The following PKHD1 variants were observed in gnomAD, a reference collection of about 807,000 sequenced individuals.
PKHD1 encodes fibrocystin.
In PKHD1, 291 loss-of-function variants were observed where a neutral mutation model predicts 412.0. That is an observed-to-expected ratio of 0.71 (90% CI 0.64 to 0.78). The LOEUF (loss-of-function observed/expected upper bound fraction) is 0.78, where lower values mean the gene tolerates loss of function less well. PKHD1 is among the 30% of genes least tolerant of loss of function. The pLI is 0.00. For missense variants in PKHD1, 4,825 were observed against 4,950.7 expected, an observed-to-expected ratio of 0.97 and a Z score of 0.76; for synonymous variants, 1,777 against 1,821.5, an observed-to-expected ratio of 0.98 and a Z score of 0.62.
At chr6:51,909,054 C>T (rs1782565519) in intron 40 of PKHD1, among the ~76,000 whole-genome samples, 1 of 152,226 alleles carries the variant, frequency 6.6e-6, no homozygotes, top group Admixed American at 6.5e-5. Flanking sequence ...CTAAGCCTAC[C>T]TTAGACCAGA....
In PKHD1 at chr6:51,950,220, AAT is replaced by A. The variant is rs1333126139; in HGVS notation, c.5908+9648_5908+9649del. On this transcript the variant is annotated intron_variant, in intron 36 of 66. Coordinates refer to ENST00000371117, the MANE Select transcript of PKHD1 (RefSeq NM_138694.4). ...AATGGGCAATATAGAGAAAAAAAAA[AAT>A]ATATATATATATATATATGAAATAA... Among the ~76,000 whole-genome samples, 183 of 98,296 alleles carry A rather than the reference AAT, an allele frequency of 1.9e-3. 1 individual carries two copies. The Middle Eastern group carries it at 0.019, about 10-fold the overall frequency. 64.5% of individuals were successfully genotyped at this position (98,296 alleles called of 152,430 possible). A position where few individuals can be genotyped will look rare whatever the true frequency, so the allele number is the denominator to read the frequency against.
At chr6:51,827,530 G>A in intron 52 of PKHD1, among the ~76,000 whole-genome samples, 1 of 152,050 alleles carries the variant, frequency 6.6e-6, no homozygotes, top group East Asian at 1.9e-4. Flanking sequence ...CCTATATCCT[G>A]AAGGATCCCC....
Position 52,044,983 on chromosome 6 carries a change from C to T in PKHD1, c.2698G>A (p.Ala900Thr). The T allele has an allele frequency of 6.2e-7, 1 of 1,613,596 alleles. No individual in the cohort carries two copies. Among genetic ancestry groups the T allele is most frequent in the Middle Eastern group, 1.7e-4 (1 of 6,058 alleles). The change falls in exon 25 of 67, where the codon GCC becomes ACC. Residue 900 changes from alanine (A) to threonine (T), a missense_variant. By Grantham distance (58) the Ala-to-Thr change is moderately conservative. Coordinates refer to ENST00000371117, the MANE Select transcript of PKHD1 (RefSeq NM_138694.4). The stretch of plus-strand genomic sequence containing the variant: ...ACTCTCACCTGAGTATGCTGGTTGG[C>T]AGTAGCCAACATGTCTCCAAATATG... Reference protein sequence around the residue: ...GPIFGDMLATANQHTQVVVRV... With the variant: ...GPIFGDMLATTNQHTQVVVRV...
In PKHD1 at chr6:52,026,059, T is replaced by C; in HGVS notation, c.3751A>G (p.Thr1251Ala). The C allele has an allele frequency of 6.2e-7, 1 of 1,613,504 alleles. No homozygotes were observed. The highest frequency in any genetic ancestry group is 8.5e-7 in the Non-Finnish European group (1 of 1,179,900). ...TCGGGTATCTGGGGGGCTGGCAGGG[T>C]TTCACACCAGATGCTCGCCTCCGTT... ...NLTEASIWCETLPAPQIPDAG... is the reference protein window; with the variant it reads ...NLTEASIWCEALPAPQIPDAG... The change falls in exon 32 of 67, where the codon ACC (threonine) becomes GCC (alanine). Residue 1251 changes from threonine to alanine, a missense_variant. Thr to Ala is a moderately conservative substitution (Grantham distance 58). Coordinates refer to ENST00000371117, the MANE Select transcript of PKHD1 (RefSeq NM_138694.4).
intron 65 of PKHD1, among the ~76,000 whole-genome samples, chr6:51,632,108 T>A (rs1581752590): frequency 1.3e-5 from 2 of 152,024 alleles, no homozygotes; most frequent in East Asian, 3.9e-4. Context: ...CATGCCCAGA[T>A]AATTTTTGTA....
intron 28 of PKHD1, 137 bp downstream of exon 28, chr6:52,035,454 A>G: frequency 3.4e-6 from 3 of 890,278 alleles, no homozygotes; most frequent in Non-Finnish European, 3.8e-6. Context: ...AACAGACAAT[A>G]TAACTACTAC....
chr6:51,965,081 A>T (rs777788543), intron 35 of PKHD1, among the ~76,000 whole-genome samples: 86 of 152,164 alleles, frequency 5.7e-4, no homozygotes, highest in Non-Finnish European at 8.8e-5. Flanking sequence ...ATGTTCAATG[A>T]CATTAAACCT....
intron 34 of PKHD1, among the ~76,000 whole-genome samples, chr6:52,016,417 C>T (rs1284306946): frequency 2.0e-5 from 3 of 152,044 alleles, no homozygotes; most frequent in East Asian, 1.9e-4. Context: ...GGGTGGATTG[C>T]TTGAGCTCAG....
intron 61 of PKHD1, among the ~76,000 whole-genome samples, chr6:51,658,307 G>C (rs1322058143): frequency 1.3e-5 from 2 of 152,066 alleles, no homozygotes; most frequent in Admixed American, 6.6e-5. Context: ...ACAGGAAAGA[G>C]GAACATCCAT....
intron 33 of PKHD1, among the ~76,000 whole-genome samples, chr6:52,020,350 G>A (rs1801217098): frequency 6.6e-6 from 1 of 152,154 alleles, no homozygotes; most frequent in African/African-American, 2.4e-5. Flanking sequence ...AAACAAACAT[G>A]GGATCAGACG....
intron 35 of PKHD1, among the ~76,000 whole-genome samples, chr6:51,962,053 T>A (rs1251669267): frequency 6.6e-6 from 1 of 152,088 alleles, no homozygotes; most frequent in African/African-American, 2.4e-5. Context: ...GAAGGAGATA[T>A]ATCTTTAAAA....
chr6:52,034,513 A>AATT (rs1219067989), intron 28 of PKHD1, among the ~76,000 whole-genome samples: 1 of 152,198 alleles, frequency 6.6e-6, no homozygotes, highest in Non-Finnish European at 1.5e-5. Flanking sequence ...TATATATTAA[A>AATT]ATAATAAAGT....
chr6:51,696,915 G>A (rs1264713927), intron 60 of PKHD1, among the ~76,000 whole-genome samples: 2 of 152,226 alleles, frequency 1.3e-5, no homozygotes, highest in East Asian at 1.9e-4. Flanking sequence ...TGGGCCTGGT[G>A]TGGTGGCTCA....
intron 39 of PKHD1, among the ~76,000 whole-genome samples, chr6:51,910,015 C>A (rs1782713440): frequency 6.6e-6 from 1 of 152,176 alleles, no homozygotes; most frequent in South Asian, 2.1e-4. Context: ...CCAACACCTA[C>A]TTCCCCAGCT....
At chr6:51,739,640 T>C (rs926027422) in intron 60 of PKHD1, among the ~76,000 whole-genome samples, 1 of 152,236 alleles carries the variant, frequency 6.6e-6, no homozygotes, top group African/African-American at 2.4e-5. Flanking sequence ...GTTTTGCTCA[T>C]TGCTATAGTT....
chr6:52,060,170 A>T lies in PKHD1; in HGVS notation c.1119-128T>A, dbSNP rs555778502. On this transcript the variant is annotated intron_variant, in intron 14 of 66. Transcript: ENST00000371117. ...AAGAACAACCTGATTCTTATGCCAC[A>T]CAATTGTCCAGAATATTCTAGAAAG... 5.8e-6 allele frequency: 4 copies of T among 686,692 alleles called. No homozygotes were observed. In the East Asian group the frequency reaches 1.1e-4, roughly 19 times the overall value. The allele number at this position is 686,692 out of a possible 1,614,324, so 42.5% of individuals were successfully genotyped here. A position where few individuals can be genotyped will look rare whatever the true frequency, so the allele number is the denominator to read the frequency against.
At chr6:51,799,860 AACTT>A (rs755236408) in intron 52 of PKHD1, among the ~76,000 whole-genome samples, 13 of 152,202 alleles carry the variant, frequency 8.5e-5, no homozygotes, top group Non-Finnish European at 1.9e-4. Context: ...TTATTTATAC[AACTT>A]ACTTAATAAT....
intron 63 of PKHD1, among the ~76,000 whole-genome samples, chr6:51,644,811 C>CT (rs1436902803): frequency 6.6e-6 from 1 of 152,148 alleles, no homozygotes; most frequent in Non-Finnish European, 1.5e-5. Flanking sequence ...TCCTGAGTAG[C>CT]TGGGACTTCA....
intron 60 of PKHD1, among the ~76,000 whole-genome samples, chr6:51,738,617 T>C (rs1025897402): frequency 2.0e-5 from 3 of 152,222 alleles, no homozygotes; most frequent in African/African-American, 7.2e-5. Flanking sequence ...CATCATGCTG[T>C]ACATCTGAAA....
Sources: gnomAD v4.1 joint callset for allele counts (sites outside exome capture counted in the v4.1 genomes callset) on GRCh38, gnomAD v4.1.1 for gene constraint, MANE v1.5 for transcripts, NCBI Gene and HGNC (gene_info 2026-07-23, HGNC 2026-07-21) for gene names.